The following SPATA12 variants were observed in gnomAD, a reference collection of about 807,000 sequenced individuals.
The protein encoded by SPATA12 is spermatogenesis-associated protein 12.
For synonymous variants in SPATA12, 85 were observed against 89.2 expected (o/e 0.95, Z 0.26); for missense variants, 219 against 226.4 (o/e 0.97, Z 0.21).
At chr3:57,069,406 CACA>C (rs1042837902) in intron 1 of SPATA12, among the ~76,000 whole-genome samples, 1 of 151,946 alleles carries the variant, frequency 6.6e-6, no homozygotes, top group African/African-American at 2.4e-5. Context: ...CACACACACA[CACA>C]CATTGTTTGT....
At chr3:57,067,968 C>T (rs577396092) in intron 1 of SPATA12, among the ~76,000 whole-genome samples, 19 of 151,678 alleles carry the variant, frequency 1.3e-4, no homozygotes, top group African/African-American at 3.9e-4. Flanking sequence ...CCAGCCTGGG[C>T]GACAGAGCAA....
chr3:57,065,651 A>G (rs1705486114), intron 1 of SPATA12, among the ~76,000 whole-genome samples: 1 of 152,162 alleles, frequency 6.6e-6, no homozygotes, highest in African/African-American at 2.4e-5. Context: ...TAAATGTTTA[A>G]TGTCTTCCAA....
chr3:57,069,820 T>A (rs1287432949), intron 1 of SPATA12, among the ~76,000 whole-genome samples: 3 of 152,186 alleles, frequency 2.0e-5, no homozygotes, highest in Non-Finnish European at 1.5e-5. Flanking sequence ...AATTTTTAAT[T>A]GTTTTATAGA....
At chr3:57,065,136 T>C (rs1221106166) in intron 1 of SPATA12, among the ~76,000 whole-genome samples, 1 of 152,206 alleles carries the variant, frequency 6.6e-6, no homozygotes, top group Non-Finnish European at 1.5e-5. Context: ...ACCAATCCAG[T>C]AGGCCATGGT....
At position 57,073,663 on chromosome 3, in the gene SPATA12, T is replaced by C; in HGVS notation, c.-32T>C. The C allele has an allele frequency of 6.3e-7, 1 of 1,588,550 alleles. No individual in the cohort carries two copies. Among genetic ancestry groups the C allele is most frequent in the Non-Finnish European group, 8.6e-7 (1 of 1,167,788 alleles). On this transcript the variant is annotated 5_prime_UTR_variant, in exon 2 of 2. Coordinates refer to ENST00000334325, the MANE Select transcript of SPATA12 (RefSeq NM_181727.2). Reference sequence around the variant, plus strand: ...TCCGGCCAAGTGCCCCAGCCTCCTTTTCTGGAGAATTCTGTTTTTGACTTG... The same window carrying C: ...TCCGGCCAAGTGCCCCAGCCTCCTTCTCTGGAGAATTCTGTTTTTGACTTG...
At chr3:57,060,831 C>T (rs1705185773) in intron 1 of SPATA12, 45 bp downstream of exon 1, 1 of 147,610 alleles carries the variant, frequency 6.8e-6, no homozygotes, top group Non-Finnish European at 1.5e-5. Flanking sequence ...GAAACACACA[C>T]ACACACATGG....
rs1233108310 is a variant in SPATA12 at position 57,074,032 on chromosome 3, T to A, written c.338T>A (p.Ile113Lys). Reference protein sequence around the residue: ...GRPSSPPALLIQQGSCEQVIH... With the variant: ...GRPSSPPALLKQQGSCEQVIH... ...CCCTCTTCACCTCCAGCTCTCCTGA[T>A]ACAGCAAGGCAGTTGTGAGCAAGTT... The change falls in exon 2 of 2, where the codon ATA becomes AAA. Residue 113 changes from isoleucine (I) to lysine (K), a missense_variant. Transcript: ENST00000334325. The A allele has an allele frequency of 1.2e-6, 2 of 1,614,214 alleles. No individual in the cohort carries two copies. The highest frequency in any genetic ancestry group is 1.7e-5 in the Admixed American group (1 of 60,028).
At chr3:57,072,243 C>T (rs1480217156) in intron 1 of SPATA12, among the ~76,000 whole-genome samples, 2 of 152,114 alleles carry the variant, frequency 1.3e-5, no homozygotes, top group African/African-American at 2.4e-5. Context: ...TACCATATAC[C>T]TAGCAATTCC....
chr3:57,063,969 A>C (rs1009075994), intron 1 of SPATA12, among the ~76,000 whole-genome samples: 5 of 152,240 alleles, frequency 3.3e-5, no homozygotes, highest in African/African-American at 1.2e-4. Context: ...CTGCCTTAAA[A>C]AGGAGGGAAA....
intron 1 of SPATA12, among the ~76,000 whole-genome samples, chr3:57,070,601 G>A (rs1560177458): frequency 6.6e-6 from 1 of 152,042 alleles, no homozygotes; most frequent in Non-Finnish European, 1.5e-5. Context: ...GTCTCTTTTT[G>A]CAGAAACTAA....
chr3:57,064,548 T>C (rs969486947), intron 1 of SPATA12, among the ~76,000 whole-genome samples: 3 of 152,192 alleles, frequency 2.0e-5, no homozygotes, highest in African/African-American at 4.8e-5. Context: ...TTTGAACCCC[T>C]GGGCTCAACA....
At chr3:57,066,878 C>G (rs1705569058) in intron 1 of SPATA12, among the ~76,000 whole-genome samples, 1 of 152,132 alleles carries the variant, frequency 6.6e-6, no homozygotes, top group Non-Finnish European at 1.5e-5. Context: ...CCCTGGGTCT[C>G]CGGCCTGCCA....
chr3:57,061,149 C>T (rs1307960371), intron 1 of SPATA12, among the ~76,000 whole-genome samples: 4 of 152,140 alleles, frequency 2.6e-5, no homozygotes. Flanking sequence ...CTGCCCCTCT[C>T]CCAGCCCCTA....
At chr3:57,066,672 A>G (rs1187824705) in intron 1 of SPATA12, among the ~76,000 whole-genome samples, 1 of 152,254 alleles carries the variant, frequency 6.6e-6, no homozygotes, top group Non-Finnish European at 1.5e-5. Context: ...TATTTGGTCA[A>G]ACATTCTAGA....
chr3:57,069,884 A>G (rs1259889931), intron 1 of SPATA12, among the ~76,000 whole-genome samples: 3 of 152,194 alleles, frequency 2.0e-5, no homozygotes, highest in African/African-American at 4.8e-5. Flanking sequence ...GCCTGAGGCA[A>G]TGCTCCCACT....
chr3:57,068,508 A>G (rs1198637507), intron 1 of SPATA12, among the ~76,000 whole-genome samples: 1 of 152,210 alleles, frequency 6.6e-6, no homozygotes, highest in African/African-American at 2.4e-5. Flanking sequence ...TGACTCACAA[A>G]GCTGGCCAAG....
chr3:57,073,499 G>C lies in SPATA12; in HGVS notation c.-196G>C, dbSNP rs1015929700. The C allele has an allele frequency of 1.3e-6, 1 of 789,616 alleles. No homozygotes were observed. The highest frequency in any genetic ancestry group is 1.7e-5 in the African/African-American group (1 of 57,742). 48.9% of individuals were successfully genotyped at this position (789,616 alleles called of 1,614,324 possible). On this transcript the variant is annotated 5_prime_UTR_variant, in exon 2 of 2. Coordinates refer to ENST00000334325, the MANE Select transcript of SPATA12 (RefSeq NM_181727.2). ...AAGATGTGAACATGGGAAAACCTCT[G>C]CAGTATCTGGGTGACTGTGGGGTTT...
At position 57,073,637 on chromosome 3, in the gene SPATA12, C is replaced by T. The variant is rs1182993204; in HGVS notation, c.-58C>T. On this transcript the variant is annotated 5_prime_UTR_variant, in exon 2 of 2. Transcript: ENST00000334325. Reference sequence around the variant, plus strand: ...GTGCTGCATGCTCCTCAGGGATTGGCTCCGGCCAAGTGCCCCAGCCTCCTT... The same window carrying T: ...GTGCTGCATGCTCCTCAGGGATTGGTTCCGGCCAAGTGCCCCAGCCTCCTT... 6.4e-7 allele frequency: 1 copy of T among 1,550,860 alleles called. No homozygotes were observed. The highest frequency in any genetic ancestry group is 8.7e-7 in the Non-Finnish European group (1 of 1,150,876).
chr3:57,071,729 G>A (rs915004486), intron 1 of SPATA12, among the ~76,000 whole-genome samples: 5 of 150,650 alleles, frequency 3.3e-5, no homozygotes, highest in South Asian at 2.1e-4. Context: ...GGTTTCTTAC[G>A]TATGACACCA....
Sources: gnomAD v4.1 joint callset for allele counts (sites outside exome capture counted in the v4.1 genomes callset) on GRCh38, gnomAD v4.1.1 for gene constraint, MANE v1.5 for transcripts, NCBI Gene and HGNC (gene_info 2026-07-23, HGNC 2026-07-21) for gene names.